Variants in WDR26 observed in about 807,000 individuals in gnomAD.
WDR26 encodes the protein WD repeat domain 26.
WDR26 carries 5 observed loss-of-function variants against 84.1 expected under a neutral mutation model. The observed-to-expected ratio is 0.06, with a 90% CI of 0.03 to 0.13. The LOEUF is 0.13. Ranked by LOEUF, WDR26 falls within the 10% of genes least tolerant of loss-of-function variation. WDR26 has a pLI of 1.00. For missense variants in WDR26, 642 were observed against 974.9 expected (o/e 0.66, Z 4.55); for synonymous variants, 415 against 389.6 (o/e 1.07, Z -0.77).
chr1:224,410,281 CAAA>C (rs10707541), intron 7 of WDR26, among the ~76,000 whole-genome samples: 19 of 103,146 alleles, frequency 1.8e-4, no homozygotes, highest in South Asian at 3.6e-4. Context: ...GACTTTGTCT[CAAA>C]AAAAAAAAAA....
chr1:224,433,323 C>G (rs1460767672), intron 1 of WDR26, among the ~76,000 whole-genome samples: 2 of 152,122 alleles, frequency 1.3e-5, no homozygotes, highest in Non-Finnish European at 2.9e-5. Flanking sequence ...CCACCCCTCC[C>G]CCAACACATA....
chr1:224,434,393 C>G lies in WDR26; in HGVS notation c.13G>C (p.Gly5Arg), dbSNP rs1480650324. 1 of 1,078,142 alleles carries G rather than the reference C, an allele frequency of 9.3e-7. No individual in the cohort carries two copies. Among genetic ancestry groups the G allele is most frequent in the African/African-American group, 1.8e-5 (1 of 56,818 alleles). The allele number at this position is 1,078,142 out of a possible 1,614,324, so 66.8% of individuals were successfully genotyped here. A position where few individuals can be genotyped will look rare whatever the true frequency, so the allele number is the denominator to read the frequency against. ...GAAGCGGAGGCCAGAGTTTCCTCGC[C>G]GAGAGAGGCCGTGGTGGGAAGCCGG... is the stretch of plus-strand genomic sequence containing the variant. The change falls in exon 1 of 14, where the codon GGC (glycine) becomes CGC (arginine). Residue 5 changes from glycine to arginine, a missense_variant. Transcript: ENST00000414423.
chr1:224,398,942 A>G lies in WDR26; in HGVS notation c.1812T>C (p.Asp604=), dbSNP rs528360727. 7.7e-5 allele frequency: 124 copies of G among 1,613,812 alleles called. No individual in the cohort carries two copies. The South Asian group carries it at 9.3e-4, about 12-fold the overall frequency. Residue 604 remains aspartate (D), a synonymous_variant, in exon 10 of 14, where the codon GAT becomes GAC. Coordinates refer to ENST00000414423, the MANE Select transcript of WDR26 (RefSeq NM_001379403.1). ...TATAGCCCCGAATTCGCTGGTGTGTATCTGATGCCAGAACAGTCTTTCCAT... is the reference window on the plus strand; with the variant it reads ...TATAGCCCCGAATTCGCTGGTGTGTGTCTGATGCCAGAACAGTCTTTCCAT...
At chr1:224,398,344 C>A (rs970290923) in intron 11 of WDR26, 118 bp from the exon 12 acceptor site, 1 of 1,378,234 alleles carries the variant, frequency 7.3e-7, no homozygotes, top group African/African-American at 1.5e-5. Context: ...ATGCAAAATA[C>A]CAACATTCTG....
chr1:224,419,050 A>G (rs1051543550), intron 5 of WDR26, among the ~76,000 whole-genome samples: 1 of 152,228 alleles, frequency 6.6e-6, no homozygotes. Flanking sequence ...AGAATCATAT[A>G]ATTTTCAGAG....
rs933924085 is a variant in WDR26, at chr1:224,419,670, T to C, written c.1065-55A>G. On this transcript the variant is annotated intron_variant, in intron 4 of 13. Coordinates refer to ENST00000414423, the MANE Select transcript of WDR26 (RefSeq NM_001379403.1). ...ATTAAACCCATTTCTTTGTAATAAA[T>C]GTAATTGAAAAGTACTGACCATCTG... 12 of 1,425,476 alleles carry C rather than the reference T, an allele frequency of 8.4e-6. No homozygotes were observed. The African/African-American group carries it at 1.5e-4, about 18-fold the overall frequency. 88.3% of individuals were successfully genotyped at this position (1,425,476 alleles called of 1,614,324 possible). A position where few individuals can be genotyped will look rare whatever the true frequency, so the allele number is the denominator to read the frequency against.
chr1:224,424,674 C>T lies in WDR26; in HGVS notation c.928-20G>A. On this transcript the variant is annotated intron_variant, in intron 3 of 13. Coordinates refer to ENST00000414423, the MANE Select transcript of WDR26 (RefSeq NM_001379403.1). ...CATCCTCTGACATGACAGAAAGCAG[C>T]AGTCAGGGGAAAAAAGTTGATGGAA... 6.2e-7 allele frequency: 1 copy of T among 1,613,996 alleles called. No individual in the cohort carries two copies. Among genetic ancestry groups the T allele is most frequent in the Non-Finnish European group, 8.5e-7 (1 of 1,179,988 alleles).
At chr1:224,399,068 C>G (rs563393905) in intron 9 of WDR26, 34 bp from the exon 10 acceptor site, 137 of 1,452,848 alleles carry the variant, frequency 9.4e-5, no homozygotes, top group Non-Finnish European at 1.2e-4. Flanking sequence ...AACTTCATTA[C>G]TCAACAGCAC....
rs1277314355 is a variant in WDR26, at chr1:224,434,080, C to T, written c.326G>A (p.Gly109Glu). Residue 109 changes from glycine (G) to glutamate (E), a missense_variant, in exon 1 of 14, where the codon GGA becomes GAA. By Grantham distance (98) the Gly-to-Glu change is moderately conservative. This residue lies in a region of WDR26 where 291 missense variants were observed against 302.1 expected (regional missense o/e 0.96). Transcript: ENST00000414423. ...ACCGCCGCCGCCGCCACCTCCTCCT[C>T]CTCCTCCTGCCCCATTGGCCTGCAT... 3 of 1,449,476 alleles carry T rather than the reference C, an allele frequency of 2.1e-6. No homozygotes were observed. The highest frequency in any genetic ancestry group is 5.4e-5 in the Admixed American group (2 of 36,938). 89.8% of individuals were successfully genotyped at this position (1,449,476 alleles called of 1,614,324 possible).
chr1:224,398,866 T>C, intron 10 of WDR26, 23 bp downstream of exon 10: 1 of 1,611,694 alleles, frequency 6.2e-7, no homozygotes, highest in South Asian at 1.1e-5. Flanking sequence ...AATTGTTGTT[T>C]AATGGAAACA....
chr1:224,413,275 G>A (rs1209233172), intron 6 of WDR26: 7 of 1,217,948 alleles, frequency 5.7e-6, no homozygotes, highest in East Asian at 5.8e-5. Context: ...CTTGAAACAC[G>A]GTCTTCCTTG....
chr1:224,428,401 T>C (rs1674290648), intron 3 of WDR26, among the ~76,000 whole-genome samples: 1 of 152,206 alleles, frequency 6.6e-6, no homozygotes, highest in South Asian at 2.1e-4. Flanking sequence ...AAATAAATTA[T>C]ATCTAAACTT....
intron 9 of WDR26, 47 bp downstream of exon 9, chr1:224,400,903 T>C: frequency 1.3e-6 from 2 of 1,597,622 alleles, no homozygotes; most frequent in African/African-American, 1.3e-5. Context: ...AAAAGTACAT[T>C]TGCTTTTAAA....
At chr1:224,391,183 A>G (rs1673114139) in intron 13 of WDR26, among the ~76,000 whole-genome samples, 1 of 151,844 alleles carries the variant, frequency 6.6e-6, no homozygotes, top group Non-Finnish European at 1.5e-5. Context: ...CCTGACCAAC[A>G]TGGAAAAACC....
At chr1:224,411,630 T>C in intron 6 of WDR26, 65 bp from the exon 7 acceptor site, 1 of 1,468,504 alleles carries the variant, frequency 6.8e-7, no homozygotes, top group East Asian at 2.4e-5. Flanking sequence ...ATAAAAAAGG[T>C]TAAATAACTG....
chr1:224,422,094 G>A (rs992607335), intron 4 of WDR26, among the ~76,000 whole-genome samples: 1 of 152,192 alleles, frequency 6.6e-6, no homozygotes, highest in African/African-American at 2.4e-5. Context: ...AATACCCAGT[G>A]GGTAATCTTG....
chr1:224,395,657 T>C (rs1018249786), intron 12 of WDR26, among the ~76,000 whole-genome samples: 7 of 150,904 alleles, frequency 4.6e-5, no homozygotes, highest in Non-Finnish European at 8.9e-5. Flanking sequence ...CTTCCTAAAC[T>C]GAAGAGGTCC....
intron 8 of WDR26, among the ~76,000 whole-genome samples, chr1:224,403,899 C>T (rs1473671454): frequency 1.3e-5 from 2 of 151,964 alleles, no homozygotes; most frequent in Non-Finnish European, 2.9e-5. Flanking sequence ...ATTGCGCCAC[C>T]GCACTCCAGC....
chr1:224,391,058 T>C (rs1469179701), intron 13 of WDR26, among the ~76,000 whole-genome samples: 1 of 151,976 alleles, frequency 6.6e-6, no homozygotes, highest in Non-Finnish European at 1.5e-5. Flanking sequence ...GCATCGGTAC[T>C]TCCTTCTATT....
Sources: allele counts gnomAD v4.1 joint callset (sites outside exome capture counted in the v4.1 genomes callset), GRCh38; gene constraint gnomAD v4.1.1; regional missense constraint gnomAD v4.1.1; transcripts MANE v1.5; gene names NCBI Gene and HGNC (gene_info 2026-07-23, HGNC 2026-07-21).